Variants in RFC1 observed in about 807,000 individuals in gnomAD.
RFC1 encodes the protein A1 140 kDa subunit.
RFC1 carries 37 observed loss-of-function variants against 137.4 expected under a neutral mutation model. The observed-to-expected ratio is 0.27, with a 90% CI of 0.21 to 0.35. The LOEUF (loss-of-function observed/expected upper bound fraction) is 0.35. Among genes scored for constraint, RFC1 ranks in the 10% least tolerant of loss-of-function variants. RFC1 has a pLI of 1.00. For synonymous variants in RFC1, 429 were observed against 455.7 expected (o/e 0.94, Z 0.75); for missense variants, 1,205 against 1,358.5 (o/e 0.89, Z 1.78).
At chr4:39,365,327 A>C in intron 1 of RFC1, 14 of 230,400 alleles carry the variant, frequency 6.1e-5, no homozygotes, top group East Asian at 2.3e-4. Flanking sequence ...CCCCCCCCAG[A>C]ATGTTGTCAC....
chr4:39,327,595 C>A lies in RFC1; in HGVS notation c.493G>T (p.Val165Leu). The change falls in exon 5 of 25, where the codon GTA (valine) becomes TTA (leucine). Residue 165 changes from valine to leucine, a missense_variant. Val to Leu is a conservative substitution (Grantham distance 32). This residue lies in a region of RFC1 where 962 missense variants were observed against 1,035.3 expected (regional missense o/e 0.93). Transcript: ENST00000349703. The part of the protein sequence containing the change: ...LSPIKLTPTS[V>L]LDYFGTGSVQ... Reference sequence around the variant, plus strand: ...CTTCCAGTTCCAAAATAATCAAGTACTGATGTGGGTGTAAGTTTTATTGGT... The same window carrying A: ...CTTCCAGTTCCAAAATAATCAAGTAATGATGTGGGTGTAAGTTTTATTGGT... 1 of 1,613,670 alleles carries A rather than the reference C, an allele frequency of 6.2e-7. No individual in the cohort carries two copies. The highest frequency in any genetic ancestry group is 8.5e-7 in the Non-Finnish European group (1 of 1,179,846).
At chr4:39,295,545 G>T in intron 22 of RFC1, 69 bp downstream of exon 22, 10 of 1,278,910 alleles carry the variant, frequency 7.8e-6, no homozygotes, top group South Asian at 3.2e-5. Flanking sequence ...TGACTCACAT[G>T]ATCATTACTG....
At chr4:39,306,070 T>A (rs977920651) in intron 14 of RFC1, among the ~76,000 whole-genome samples, 4 of 152,354 alleles carry the variant, frequency 2.6e-5, no homozygotes, top group African/African-American at 9.6e-5. Flanking sequence ...GCAAGTCAAG[T>A]TCTCCCATTG....
intron 2 of RFC1, among the ~76,000 whole-genome samples, chr4:39,350,845 A>G (rs1287727759): frequency 6.6e-6 from 1 of 152,228 alleles, no homozygotes; most frequent in Non-Finnish European, 1.5e-5. Flanking sequence ...TAAAAACAGC[A>G]ATTTTTGCCT....
At chr4:39,333,823 G>C (rs1560611704) in intron 4 of RFC1, among the ~76,000 whole-genome samples, 1 of 151,998 alleles carries the variant, frequency 6.6e-6, no homozygotes. Context: ...GCTAAACACA[G>C]GCATAATTTT....
chr4:39,329,346 A>G (rs1027880826), intron 4 of RFC1, among the ~76,000 whole-genome samples: 1 of 151,650 alleles, frequency 6.6e-6, no homozygotes, highest in African/African-American at 2.4e-5. Flanking sequence ...ACCAAAAAAA[A>G]TTAGCTGGGG....
At chr4:39,328,748 C>T (rs7685045) in intron 4 of RFC1, among the ~76,000 whole-genome samples, 137,741 of 152,080 alleles carry the variant, frequency 0.91, 63,940 homozygotes, top group East Asian at 1. Context: ...CTGGAGAATT[C>T]TGAGAATAGT....
intron 13 of RFC1, 146 bp from the exon 14 acceptor site, chr4:39,306,847 T>C: frequency 1.6e-6 from 1 of 619,090 alleles, no homozygotes. Flanking sequence ...CTACAAAGCA[T>C]AAACAAGTTT....
intron 4 of RFC1, among the ~76,000 whole-genome samples, chr4:39,332,533 C>G (rs556872132): frequency 5.0e-4 from 76 of 152,318 alleles, no homozygotes; most frequent in Non-Finnish European, 9.9e-4. Context: ...AAAAAATAGA[C>G]TAGACTTAAA....
At chr4:39,365,344 A>C in intron 1 of RFC1, 2 of 381,676 alleles carry the variant, frequency 5.2e-6, no homozygotes, top group Non-Finnish European at 7.2e-6. Context: ...TCACTGTGAC[A>C]CGTTGACCAA....
At chr4:39,296,655 T>A (rs1738027951) in intron 21 of RFC1, among the ~76,000 whole-genome samples, 1 of 151,626 alleles carries the variant, frequency 6.6e-6, no homozygotes, top group Non-Finnish European at 1.5e-5. Context: ...TCTATCATTG[T>A]TGGACATTTG....
At chr4:39,362,249 C>T (rs1476130672) in intron 1 of RFC1, among the ~76,000 whole-genome samples, 1 of 152,144 alleles carries the variant, frequency 6.6e-6, no homozygotes, top group East Asian at 1.9e-4. Flanking sequence ...AATTGACCTA[C>T]AGATTCAATA....
chr4:39,327,423 A>G, intron 5 of RFC1, 101 bp downstream of exon 5: 1 of 594,236 alleles, frequency 1.7e-6, no homozygotes, highest in East Asian at 3.1e-5. Context: ...TATTTTAATT[A>G]TTAAAACATG....
chr4:39,331,000 G>T (rs929869226), intron 4 of RFC1, among the ~76,000 whole-genome samples: 1 of 152,010 alleles, frequency 6.6e-6, no homozygotes, highest in Non-Finnish European at 1.5e-5. Context: ...TTTGCAAAAG[G>T]CTAGGTAACA....
chr4:39,359,280 G>A (rs2109777192), intron 1 of RFC1, among the ~76,000 whole-genome samples: 1 of 152,264 alleles, frequency 6.6e-6, no homozygotes, highest in South Asian at 2.1e-4. Flanking sequence ...GCCATGCAAT[G>A]ATTTGAGCAC....
At chr4:39,312,615 G>C (rs1357544004) in intron 11 of RFC1, 137 bp downstream of exon 11, 4 of 815,208 alleles carry the variant, frequency 4.9e-6, no homozygotes, top group Non-Finnish European at 7.2e-6. Context: ...CACTTCTGTG[G>C]AGAAGAAATA....
chr4:39,349,456 C>T (rs1201835623), intron 2 of RFC1, among the ~76,000 whole-genome samples: 1 of 152,124 alleles, frequency 6.6e-6, no homozygotes, highest in Non-Finnish European at 1.5e-5. Flanking sequence ...TCTCTTTCTC[C>T]ACCAGTGCTC....
intron 3 of RFC1, among the ~76,000 whole-genome samples, chr4:39,343,233 G>C (rs1740692824): frequency 6.6e-6 from 1 of 152,022 alleles, no homozygotes; most frequent in Admixed American, 6.6e-5. Flanking sequence ...ATGTTGGCCA[G>C]GCTGGTCTGG....
chr4:39,304,733 G>C, intron 15 of RFC1, 81 bp downstream of exon 15: 1 of 854,618 alleles, frequency 1.2e-6, no homozygotes. Context: ...CACACAACCT[G>C]TGTTCAATAC....
Sources: allele counts gnomAD v4.1 joint callset (sites outside exome capture counted in the v4.1 genomes callset), GRCh38; gene constraint gnomAD v4.1.1; regional missense constraint gnomAD v4.1.1; transcripts MANE v1.5; gene names NCBI Gene and HGNC (gene_info 2026-07-23, HGNC 2026-07-21).